PEPD: variants seen among roughly 807,000 people sequenced by gnomAD.
PEPD encodes the protein xaa-Pro dipeptidase.
In PEPD, 53 loss-of-function variants were observed where a neutral mutation model predicts 60.7. That is an observed-to-expected ratio of 0.87 (90% CI 0.70 to 1.10). The LOEUF (loss-of-function observed/expected upper bound fraction) is 1.10, where lower values mean the gene tolerates loss of function less well. Ranked by LOEUF, PEPD falls within the 50% of genes least tolerant of loss-of-function variation. PEPD has a pLI of 0.00. For synonymous variants in PEPD, 267 were observed against 284.1 expected, an observed-to-expected ratio of 0.94 and a Z score of 0.60; for missense variants, 711 against 711.9, an observed-to-expected ratio of 1.00 and a Z score of 0.01.
chr19:33,518,671 G>C (rs768109872), intron 1 of PEPD, among the ~76,000 whole-genome samples: 1 of 152,152 alleles, frequency 6.6e-6, no homozygotes, highest in African/African-American at 2.4e-5. Flanking sequence ...GACTAATTTA[G>C]AGTAAATCCC....
In PEPD at chr19:33,453,089, T is replaced by C. The variant is rs1006164288; in HGVS notation, c.671+9906A>G. On this transcript the variant is annotated intron_variant, in intron 9 of 14. Transcript: ENST00000244137. ...ATAATCCCGGCACTTCGGGAGGCCGTGGCAGGAGGATCGCTTGAGTCCAGG... is the reference window on the plus strand; with the variant it reads ...ATAATCCCGGCACTTCGGGAGGCCGCGGCAGGAGGATCGCTTGAGTCCAGG... 2.0e-5 allele frequency among the ~76,000 whole-genome samples: 3 copies of C among 152,026 alleles called. No individual in the cohort carries two copies. The East Asian group carries it at 5.8e-4, about 29-fold the overall frequency.
chr19:33,436,038 C>T (rs546694811), intron 9 of PEPD, among the ~76,000 whole-genome samples: 31 of 152,222 alleles, frequency 2.0e-4, no homozygotes, highest in African/African-American at 7.2e-4. Flanking sequence ...CATCTCTGCC[C>T]CCATCTTGGT....
rs371953949 is a variant in PEPD at position 33,413,618 on chromosome 19, G to A, written c.697C>T (p.Arg233Trp). The A allele has an allele frequency of 3.1e-5, 50 of 1,588,394 alleles. No homozygotes were observed. Among genetic ancestry groups the A allele is most frequent in the Admixed American group, 2.3e-4 (13 of 57,040 alleles). ...ESLFEHYCYS[R>W]GGMRHSSYTC... is the part of the protein sequence containing the mutation. ...TAGGAGCTGTGGCGCATGCCGCCCCGGGAGTAGCAGTAGTGCTCGAAGAGG... is the reference window on the plus strand; with the variant it reads ...TAGGAGCTGTGGCGCATGCCGCCCCAGGAGTAGCAGTAGTGCTCGAAGAGG... Residue 233 changes from arginine to tryptophan, a missense_variant, in exon 10 of 15, where the codon CGG becomes TGG. Arg to Trp is a moderately radical substitution (Grantham distance 101). Coordinates refer to ENST00000244137, the MANE Select transcript of PEPD (RefSeq NM_000285.4).
At chr19:33,396,455 G>A (rs1285438190) in intron 12 of PEPD, among the ~76,000 whole-genome samples, 1 of 152,206 alleles carries the variant, frequency 6.6e-6, no homozygotes, top group Non-Finnish European at 1.5e-5. Flanking sequence ...TTTTGGAGGT[G>A]GGGACACTTC....
intron 9 of PEPD, among the ~76,000 whole-genome samples, chr19:33,443,899 C>T (rs1280940056): frequency 6.7e-6 from 1 of 148,168 alleles, no homozygotes; most frequent in Admixed American, 6.7e-5. Context: ...ACACAGTATC[C>T]TCAGGCAGGG....
intron 9 of PEPD, among the ~76,000 whole-genome samples, chr19:33,448,409 C>T (rs922791917): frequency 1.3e-5 from 2 of 152,202 alleles, no homozygotes; most frequent in Non-Finnish European, 2.9e-5. Flanking sequence ...ACCACGGGCT[C>T]CTTCCGGCAT....
chr19:33,438,528 T>A (rs1033796690), intron 9 of PEPD, among the ~76,000 whole-genome samples: 2 of 152,148 alleles, frequency 1.3e-5, no homozygotes, highest in Non-Finnish European at 2.9e-5. Context: ...CAACGGTGAG[T>A]GTTTCCACTA....
At chr19:33,493,725 C>G (rs551821170) in intron 4 of PEPD, among the ~76,000 whole-genome samples, 1 of 152,254 alleles carries the variant, frequency 6.6e-6, no homozygotes, top group South Asian at 2.1e-4. Flanking sequence ...TCCAGGCCTA[C>G]CAGCCTCTGG....
chr19:33,474,147 A>T (rs1238061320), intron 7 of PEPD, among the ~76,000 whole-genome samples: 1 of 152,160 alleles, frequency 6.6e-6, no homozygotes, highest in Non-Finnish European at 1.5e-5. Context: ...GCACAAGACC[A>T]TTCCAAGGGT....
chr19:33,389,170 G>C (rs1314985437), intron 13 of PEPD: 1 of 152,362 alleles, frequency 6.6e-6, no homozygotes, highest in Non-Finnish European at 1.5e-5. Flanking sequence ...CGGCCAGAGA[G>C]GCTGTGACTG....
intron 9 of PEPD, among the ~76,000 whole-genome samples, chr19:33,434,099 T>C (rs1397817340): frequency 6.6e-6 from 1 of 152,138 alleles, no homozygotes; most frequent in Non-Finnish European, 1.5e-5. Context: ...TTTATGTCAG[T>C]GGGATGGTAC....
chr19:33,458,924 T>C (rs974687677), intron 9 of PEPD, among the ~76,000 whole-genome samples: 11 of 151,466 alleles, frequency 7.3e-5, no homozygotes, highest in Non-Finnish European at 1.5e-4. Context: ...CCTCAGGTCG[T>C]GTCCCCTCTC....
At chr19:33,393,216 TCGGGGAGGCCG>T (rs1197192349) in intron 12 of PEPD, among the ~76,000 whole-genome samples, 9 of 135,730 alleles carry the variant, frequency 6.6e-5, no homozygotes, top group African/African-American at 2.6e-4. Flanking sequence ...GGGTCTGGCG[TCGGGGAGGCCG>T]TCCCGGGGTC....
rs1476735760 is a variant in PEPD, at chr19:33,511,092, C to T, written c.265G>A (p.Asp89Asn). ...EPGCYGVIDVDTGKSTLFVPR... is the reference protein window; with the variant it reads ...EPGCYGVIDVNTGKSTLFVPR... ...ACAAACAGGGTCGACTTCCCAGTGT[C>T]AACATCGATGACACCATAGCAGCCT... The change falls in exon 3 of 15, where the codon GAC becomes AAC. Residue 89 changes from aspartate to asparagine, a missense_variant. Asp to Asn is a conservative substitution (Grantham distance 23). Transcript: ENST00000244137. The T allele has an allele frequency of 5.0e-6, 8 of 1,614,060 alleles. No individual in the cohort carries two copies. Among genetic ancestry groups the T allele is most frequent in the Non-Finnish European group, 6.8e-6 (8 of 1,179,964 alleles).
intron 11 of PEPD, among the ~76,000 whole-genome samples, chr19:33,410,313 G>A (rs927033833): frequency 1.3e-5 from 2 of 152,238 alleles, no homozygotes; most frequent in Non-Finnish European, 2.9e-5. Context: ...CTGGGTGAGC[G>A]GGGAGCCCGG....
At chr19:33,408,597 C>G (rs973614507) in intron 11 of PEPD, among the ~76,000 whole-genome samples, 1 of 152,184 alleles carries the variant, frequency 6.6e-6, no homozygotes, top group African/African-American at 2.4e-5. Context: ...CTGCCCTGGA[C>G]CAGCTCTGAT....
intron 5 of PEPD, 46 bp from the exon 6 acceptor site, chr19:33,490,103 C>T (rs1398517091): frequency 4.3e-6 from 6 of 1,400,624 alleles, no homozygotes; most frequent in Non-Finnish European, 6.0e-6. Context: ...CGCATGGCGC[C>T]CCCACAGCCT....
chr19:33,521,200 G>C (rs1174237170), intron 1 of PEPD, among the ~76,000 whole-genome samples: 2 of 152,226 alleles, frequency 1.3e-5, no homozygotes, highest in Non-Finnish European at 2.9e-5. Context: ...TCTAAATGCA[G>C]AGAAGATAAA....
At chr19:33,486,972 G>A (rs1458815974) in intron 6 of PEPD, 1 of 152,392 alleles carries the variant, frequency 6.6e-6, no homozygotes, top group Non-Finnish European at 1.5e-5. Context: ...CATTTAAAAG[G>A]GTCAAAAAGG....
Sources: allele counts gnomAD v4.1 joint callset (sites outside exome capture counted in the v4.1 genomes callset), GRCh38; gene constraint gnomAD v4.1.1; transcripts MANE v1.5; gene names NCBI Gene and HGNC (gene_info 2026-07-23, HGNC 2026-07-21).